The following JCAD variants were observed in gnomAD, a reference collection of about 807,000 sequenced individuals.
JCAD encodes the protein junctional cadherin 5-associated protein.
Under a neutral mutation model 98.0 loss-of-function variants are expected in JCAD, and 40 were observed. The observed-to-expected ratio is 0.41, with a 90% CI of 0.32 to 0.53. The LOEUF (loss-of-function observed/expected upper bound fraction) is 0.53. Ranked by LOEUF, JCAD falls within the 20% of genes least tolerant of loss-of-function variation. The pLI is 0.31. For synonymous variants in JCAD, 691 were observed against 682.3 expected (o/e 1.01, Z -0.20); for missense variants, 1,705 against 1,738.1 (o/e 0.98, Z 0.34).
At chr10:30,049,156 G>A (rs1447672494) in intron 1 of JCAD, among the ~76,000 whole-genome samples, 1 of 152,186 alleles carries the variant, frequency 6.6e-6, no homozygotes, top group Non-Finnish European at 1.5e-5. Flanking sequence ...AAGACGGATT[G>A]GTCAGACGGA....
chr10:30,061,819 TC>T (rs376569540), upstream of JCAD, among the ~76,000 whole-genome samples: 1 of 152,192 alleles, frequency 6.6e-6, no homozygotes, highest in African/African-American at 2.4e-5. Context: ...ATGGATTTCT[TC>T]AATGACTTAT....
chr10:30,101,533 T>C (rs996137020), intron 1 of JCAD, among the ~76,000 whole-genome samples: 10 of 152,256 alleles, frequency 6.6e-5, no homozygotes, highest in African/African-American at 2.4e-4. Flanking sequence ...TTTATTTTAT[T>C]ATTATTAATT....
At chr10:30,041,204 G>C (rs917477651) in intron 2 of JCAD, among the ~76,000 whole-genome samples, 8 of 151,972 alleles carry the variant, frequency 5.3e-5, no homozygotes, top group Non-Finnish European at 1.5e-5. Flanking sequence ...TTACGAACGA[G>C]ACCAAGGAGA....
At position 30,065,113 on chromosome 10, in the gene JCAD, G is replaced by T. The variant is rs1211956494; in HGVS notation, n.250+4587C>A. On this transcript the variant is annotated intron_variant and non_coding_transcript_variant, in intron 2 of 2. Coordinates refer to the JCAD transcript ENST00000465712. The stretch of plus-strand genomic sequence containing the variant: ...GTGGGTACCAGAGGCCAGGAAGGGT[G>T]GGTTTGGATAAAAAGAAGCTGATTA... Among the ~76,000 whole-genome samples, 3 of 152,292 alleles carry T rather than the reference G, an allele frequency of 2.0e-5. No homozygotes were observed. In the East Asian group the frequency reaches 5.8e-4, roughly 29 times the overall value.
intron 2 of JCAD, among the ~76,000 whole-genome samples, chr10:30,039,015 C>A (rs12774226): frequency 0.081 from 12,288 of 152,268 alleles, 725 homozygotes; most frequent in African/African-American, 0.16. Context: ...TAACCCCCGA[C>A]TCACGCCAGC....
intron 2 of JCAD, among the ~76,000 whole-genome samples, chr10:30,041,573 A>G (rs1252052995): frequency 6.6e-6 from 1 of 152,214 alleles, no homozygotes; most frequent in African/African-American, 2.4e-5. Context: ...AAACCTCCCA[A>G]GATGAGGGCC....
chr10:30,110,914 G>A (rs1838686366), intron 1 of JCAD, among the ~76,000 whole-genome samples: 1 of 151,922 alleles, frequency 6.6e-6, no homozygotes, highest in Admixed American at 6.6e-5. Context: ...CCTGATGTAT[G>A]CCTCTCTCCC....
At chr10:30,051,727 G>A (rs1347457145) in intron 1 of JCAD, among the ~76,000 whole-genome samples, 1 of 152,120 alleles carries the variant, frequency 6.6e-6, no homozygotes, top group Non-Finnish European at 1.5e-5. Context: ...GAGAACAGAT[G>A]GGGGACCTGT....
At chr10:30,067,315 T>C (rs931476166) in intron 2 of JCAD, among the ~76,000 whole-genome samples, 6 of 151,950 alleles carry the variant, frequency 3.9e-5, no homozygotes, top group Admixed American at 1.3e-4. Flanking sequence ...AGATGAGAAC[T>C]ACCTTTTTTC....
chr10:30,027,663 A>C lies in JCAD; in HGVS notation c.2485T>G (p.Trp829Gly). The change falls in exon 3 of 4, where the codon TGG (tryptophan) becomes GGG (glycine). Residue 829 changes from tryptophan to glycine, a missense_variant. Trp to Gly is a radical substitution (Grantham distance 184). Coordinates refer to ENST00000375377, the MANE Select transcript of JCAD (RefSeq NM_020848.4). Reference protein sequence around the residue: ...FLLKPVSRRPWDLISQLESFN... With the variant: ...FLLKPVSRRPGDLISQLESFN... ...CTTTCTAACTGACTGATCAAATCCC[A>C]GGGACGACGGCTGACCGGTTTCAGG... 1 of 1,614,252 alleles carries C rather than the reference A, an allele frequency of 6.2e-7. No homozygotes were observed. Among genetic ancestry groups the C allele is most frequent in the African/African-American group, 1.3e-5 (1 of 75,070 alleles).
intron 2 of JCAD, among the ~76,000 whole-genome samples, chr10:30,044,426 C>T (rs1837296007): frequency 6.6e-6 from 1 of 152,132 alleles, no homozygotes; most frequent in South Asian, 2.1e-4. Flanking sequence ...TTTAAGGCAG[C>T]CCTCAACCAA....
At chr10:30,106,550 G>A (rs1464214981) in intron 1 of JCAD, among the ~76,000 whole-genome samples, 1 of 152,226 alleles carries the variant, frequency 6.6e-6, no homozygotes, top group Non-Finnish European at 1.5e-5. Context: ...ACCCAGGCTG[G>A]AGTGCAGTGG....
rs1838281589 is a variant in JCAD, at chr10:30,092,059, A to T, written n.129-22238T>A. Among the ~76,000 whole-genome samples, 15 of 22,962 alleles carry T rather than the reference A, an allele frequency of 6.5e-4. 1 individual carries two copies. The highest frequency in any genetic ancestry group is 2.1e-3 in the Admixed American group (2 of 972). 15.1% of individuals were successfully genotyped at this position (22,962 alleles called of 152,430 possible). On this transcript the variant is annotated intron_variant and non_coding_transcript_variant, in intron 1 of 2. Coordinates refer to the JCAD transcript ENST00000465712. ...CAAAAAAAAAAAAAAAAAAAAAAAA[A>T]AAAAAATATATATATATATATATAT...
At chr10:30,094,554 C>T (rs867913569) in intron 1 of JCAD, among the ~76,000 whole-genome samples, 4 of 152,158 alleles carry the variant, frequency 2.6e-5, no homozygotes, top group Middle Eastern at 3.2e-3. Context: ...TCCCAGGTGC[C>T]GTGGGGCTGC....
At position 30,026,763 on chromosome 10, in the gene JCAD, G is replaced by C; in HGVS notation, c.3385C>G (p.Leu1129Val). 2 of 1,614,182 alleles carry C rather than the reference G, an allele frequency of 1.2e-6. No homozygotes were observed. The highest frequency in any genetic ancestry group is 1.7e-6 in the Non-Finnish European group (2 of 1,180,042). The stretch of plus-strand genomic sequence containing the variant: ...ACATCTGCCGGTGCTGGGCGAGATA[G>C]CAACTCTTCCTGGGGGGACTCTGGG... ...CTPESPQEEL[L>V]SRPAPADVPR... is the part of the protein sequence containing the mutation. Residue 1129 changes from leucine to valine, a missense_variant, in exon 3 of 4, where the codon CTA becomes GTA. Coordinates refer to ENST00000375377, the MANE Select transcript of JCAD (RefSeq NM_020848.4).
At position 30,027,187 on chromosome 10, in the gene JCAD, T is replaced by G. The variant is rs761522681; in HGVS notation, c.2961A>C (p.Pro987=). The G allele has an allele frequency of 1.2e-6, 2 of 1,614,016 alleles. No homozygotes were observed. The highest frequency in any genetic ancestry group is 2.7e-5 in the African/African-American group (2 of 74,920). ...RMSSRSSDAK[P]LPASYPAEPR... is the part of the protein sequence containing the mutation. ...GTTCAGCTGGATAGGACGCGGGCAGTGGTTTTGCGTCACTTGATCTTGAAG... is the reference window on the plus strand; with the variant it reads ...GTTCAGCTGGATAGGACGCGGGCAGGGGTTTTGCGTCACTTGATCTTGAAG... The change falls in exon 3 of 4, where the codon CCA becomes CCC. Residue 987 remains proline (P), a synonymous_variant. Coordinates refer to ENST00000375377, the MANE Select transcript of JCAD (RefSeq NM_020848.4).
intron 1 of JCAD, among the ~76,000 whole-genome samples, chr10:30,104,121 G>T (rs1838521588): frequency 6.6e-6 from 1 of 152,204 alleles, no homozygotes; most frequent in Admixed American, 6.5e-5. Context: ...AGGCCTGGGG[G>T]CATGTGGCTC....
chr10:30,017,430 C>T lies in JCAD; in HGVS notation c.*453G>A. ...AAACTGAAAGTGCTGAAACACCGGG[C>T]AACAGCCAGTGTCCCAAACTCCTTC... On this transcript the variant is annotated 3_prime_UTR_variant, in exon 4 of 4. Transcript: ENST00000375377. 5.6e-6 allele frequency: 1 copy of T among 179,928 alleles called. No homozygotes were observed. The highest frequency in any genetic ancestry group is 1.1e-5 in the Non-Finnish European group (1 of 87,052). The allele number at this position is 179,928 out of a possible 1,614,324, so 11.1% of individuals were successfully genotyped here.
chr10:30,022,875 G>C (rs537499252), intron 3 of JCAD, among the ~76,000 whole-genome samples: 1 of 152,334 alleles, frequency 6.6e-6, no homozygotes, highest in Non-Finnish European at 1.5e-5. Context: ...AAAGTCTACA[G>C]TAGTGTAGAG....
Sources: allele counts gnomAD v4.1 joint callset (sites outside exome capture counted in the v4.1 genomes callset), GRCh38; gene constraint gnomAD v4.1.1; transcripts MANE v1.5; gene names NCBI Gene and HGNC (gene_info 2026-07-23, HGNC 2026-07-21).